SLC24A3: variants seen among roughly 807,000 people sequenced by gnomAD.
SLC24A3 encodes the protein sodium/potassium/calcium exchanger 3.
A neutral mutation model predicts 75.8 loss-of-function variants in SLC24A3; 28 were observed. The ratio of observed to expected loss-of-function variants is 0.37; its 90% confidence interval spans 0.27 to 0.51. The LOEUF (loss-of-function observed/expected upper bound fraction) is 0.51. Among genes scored for constraint, SLC24A3 ranks in the 20% least tolerant of loss-of-function variants. The pLI, the probability that SLC24A3 is intolerant of heterozygous loss-of-function variation, is 0.94. For synonymous variants in SLC24A3, 372 were observed against 334.1 expected (o/e 1.11, Z -1.24); for missense variants, 663 against 847.8 (o/e 0.78, Z 2.71).
In SLC24A3 at chr20:19,343,069, C is replaced by CAAA. The variant is rs5840837; in HGVS notation, c.271+61995_271+61997dup. On this transcript the variant is annotated intron_variant, in intron 2 of 16. Transcript: ENST00000328041. ...TGGGTGACAGAACGAGACTCCATCTCAAAAAAAAAAAAAAAGAAAAAAGAA... is the reference window on the plus strand; with the variant it reads ...TGGGTGACAGAACGAGACTCCATCTCAAAAAAAAAAAAAAAAAAGAAAAAAGAA... Among the ~76,000 whole-genome samples, 199 of 73,476 alleles carry CAAA rather than the reference C, an allele frequency of 2.7e-3. 5 individuals are homozygous for CAAA. The highest frequency in any genetic ancestry group is 0.011 in the African/African-American group (154 of 14,502). The allele number at this position is 73,476 out of a possible 152,430, so 48.2% of individuals were successfully genotyped here. A position where few individuals can be genotyped will look rare whatever the true frequency, so the allele number is the denominator to read the frequency against.
chr20:19,453,167 G>A (rs560872224), intron 2 of SLC24A3, among the ~76,000 whole-genome samples: 8 of 152,024 alleles, frequency 5.3e-5, no homozygotes, highest in South Asian at 2.1e-4. Context: ...GTGACAGAGC[G>A]AGACTCTGCC....
chr20:19,482,070 C>T (rs1186275351), intron 2 of SLC24A3, among the ~76,000 whole-genome samples: 1 of 152,184 alleles, frequency 6.6e-6, no homozygotes. Context: ...GCTTCATTGG[C>T]CTCCAATACT....
chr20:19,644,780 C>T (rs994561551), intron 6 of SLC24A3, among the ~76,000 whole-genome samples: 1 of 152,200 alleles, frequency 6.6e-6, no homozygotes, highest in African/African-American at 2.4e-5. Context: ...CCTCCTGCCC[C>T]CTTCTCCAGG....
chr20:19,280,990 C>G lies in SLC24A3; in HGVS notation c.174C>G (p.Asp58Glu), dbSNP rs1983646005. 6.2e-7 allele frequency: 1 copy of G among 1,613,882 alleles called. No individual in the cohort carries two copies. The highest frequency in any genetic ancestry group is 8.5e-7 in the Non-Finnish European group (1 of 1,179,950). The change falls in exon 2 of 17, where the codon GAC (aspartate) becomes GAG (glutamate). Residue 58 changes from aspartate to glutamate, a missense_variant. This residue lies in a region of SLC24A3 where 153 missense variants were observed against 144.2 expected (regional missense o/e 1.06). Transcript: ENST00000328041. Reference sequence around the variant, plus strand: ...ACCTCATGGACCTCGTAGGGGAAGACAGAAAGTGGATGATGGCGAGGAAGC... The same window carrying G: ...ACCTCATGGACCTCGTAGGGGAAGAGAGAAAGTGGATGATGGCGAGGAAGC... ...ELDLMDLVGE[D>E]RKWMMARKLM...
At chr20:19,468,875 C>T (rs931754579) in intron 2 of SLC24A3, among the ~76,000 whole-genome samples, 1 of 152,034 alleles carries the variant, frequency 6.6e-6, no homozygotes, top group Admixed American at 6.5e-5. Context: ...GAAGGATAGA[C>T]AATGGGATCT....
intron 1 of SLC24A3, among the ~76,000 whole-genome samples, chr20:19,276,348 G>A (rs776604048): frequency 1.1e-4 from 17 of 152,204 alleles, no homozygotes; most frequent in South Asian, 8.3e-4. Flanking sequence ...CGTCCTCACT[G>A]CTGTTCCCAA....
chr20:19,254,266 A>G lies in SLC24A3; in HGVS notation c.143-26693A>G, dbSNP rs932262172. 5.3e-5 allele frequency among the ~76,000 whole-genome samples: 8 copies of G among 152,112 alleles called. No individual in the cohort carries two copies. The South Asian group carries it at 8.3e-4, about 16-fold the overall frequency. ...GGCTTCATTTGTGAGGTCACCTCAC[A>G]TGGTCCAGGGGTTCCCTCACAAGTC... On this transcript the variant is annotated intron_variant, in intron 1 of 16. Coordinates refer to ENST00000328041, the MANE Select transcript of SLC24A3 (RefSeq NM_020689.4).
chr20:19,551,835 C>T (rs372536220), intron 3 of SLC24A3, among the ~76,000 whole-genome samples: 9 of 152,164 alleles, frequency 5.9e-5, no homozygotes, highest in East Asian at 1.9e-4. Context: ...CTCCACTGCC[C>T]GGAGGACCAG....
intron 2 of SLC24A3, among the ~76,000 whole-genome samples, chr20:19,304,180 T>A (rs1348750494): frequency 1.3e-5 from 2 of 152,232 alleles, no homozygotes; most frequent in African/African-American, 4.8e-5. Flanking sequence ...AGGCTTTGAA[T>A]AACATTAATC....
intron 12 of SLC24A3, among the ~76,000 whole-genome samples, chr20:19,690,945 C>A (rs1331939819): frequency 6.6e-6 from 1 of 152,136 alleles, no homozygotes; most frequent in Non-Finnish European, 1.5e-5. Flanking sequence ...AAGTAATTTT[C>A]TTTGGTCTGT....
At chr20:19,230,174 G>A (rs951504743) in intron 1 of SLC24A3, among the ~76,000 whole-genome samples, 1 of 152,014 alleles carries the variant, frequency 6.6e-6, no homozygotes, top group Admixed American at 6.5e-5. Context: ...GGGTGTGCCT[G>A]TGAACAGACC....
intron 1 of SLC24A3, among the ~76,000 whole-genome samples, chr20:19,240,727 T>C (rs570418474): frequency 6.6e-6 from 1 of 152,264 alleles, no homozygotes; most frequent in Admixed American, 6.5e-5. Flanking sequence ...GTTTGGCTGA[T>C]CCCACAGGGT....
intron 2 of SLC24A3, among the ~76,000 whole-genome samples, chr20:19,464,928 C>T (rs980497623): frequency 3.9e-5 from 6 of 152,226 alleles, no homozygotes; most frequent in Admixed American, 1.3e-4. Flanking sequence ...CTGACAGCAG[C>T]GCTGTCCAGT....
At chr20:19,306,634 A>C (rs1984337406) in intron 2 of SLC24A3, among the ~76,000 whole-genome samples, 1 of 152,162 alleles carries the variant, frequency 6.6e-6, no homozygotes, top group African/African-American at 2.4e-5. Context: ...CTCACTTGTA[A>C]GTGGGAGCTA....
chr20:19,496,500 T>C (rs1988289954), intron 2 of SLC24A3, among the ~76,000 whole-genome samples: 1 of 152,202 alleles, frequency 6.6e-6, no homozygotes, highest in Non-Finnish European at 1.5e-5. Context: ...CCAATCTCTG[T>C]AGCAATTTAT....
intron 6 of SLC24A3, among the ~76,000 whole-genome samples, chr20:19,627,754 T>C (rs141665395): frequency 4.6e-4 from 70 of 152,344 alleles, no homozygotes; most frequent in African/African-American, 1.6e-3. Context: ...TGTTGAGTGA[T>C]TTGTGAAACA....
intron 15 of SLC24A3, among the ~76,000 whole-genome samples, chr20:19,708,500 C>T (rs2032953086): frequency 6.6e-6 from 1 of 152,198 alleles, no homozygotes; most frequent in Non-Finnish European, 1.5e-5. Flanking sequence ...CTGCAAATTC[C>T]TTCCCACGCC....
At chr20:19,495,329 C>G (rs1339854917) in intron 2 of SLC24A3, among the ~76,000 whole-genome samples, 1 of 152,200 alleles carries the variant, frequency 6.6e-6, no homozygotes, top group African/African-American at 2.4e-5. Flanking sequence ...GTTCTTGTCA[C>G]CTTTACAAGG....
rs1003989292 is a variant in SLC24A3 at position 19,604,007 on chromosome 20, G to A, written c.612+18463G>A. ...GGCAGCAGAGATGTCTGCAATCCCC[G>A]GGCAGCACAGTGTGGTCCAGTCACT... On this transcript the variant is annotated intron_variant, in intron 6 of 16. Coordinates refer to ENST00000328041, the MANE Select transcript of SLC24A3 (RefSeq NM_020689.4). Among the ~76,000 whole-genome samples, 10 of 152,270 alleles carry A rather than the reference G, an allele frequency of 6.6e-5. No homozygotes were observed. The South Asian group carries it at 1.0e-3, about 16-fold the overall frequency.
Sources: allele counts gnomAD v4.1 joint callset (sites outside exome capture counted in the v4.1 genomes callset), GRCh38; gene constraint gnomAD v4.1.1; regional missense constraint gnomAD v4.1.1; transcripts MANE v1.5; gene names NCBI Gene and HGNC (gene_info 2026-07-23, HGNC 2026-07-21).